FBXL7: variants seen among roughly 807,000 people sequenced by gnomAD.
FBXL7 encodes F-box and leucine rich repeat protein 7, also known as F-box/LRR-repeat protein 7.
A neutral mutation model predicts 38.3 loss-of-function variants in FBXL7; 12 were observed. The ratio of observed to expected loss-of-function variants is 0.31; its 90% CI spans 0.20 to 0.51. FBXL7 has a LOEUF of 0.51. FBXL7 is among the 20% of genes least tolerant of loss of function. FBXL7 has a pLI of 0.98. For missense variants in FBXL7, 567 were observed against 676.4 expected, an observed-to-expected ratio of 0.84 and a Z score of 1.79; for synonymous variants, 297 against 300.9, an observed-to-expected ratio of 0.99 and a Z score of 0.13.
chr5:15,862,996 G>T (rs1304860619), intron 2 of FBXL7, among the ~76,000 whole-genome samples: 2 of 152,180 alleles, frequency 1.3e-5, no homozygotes, highest in African/African-American at 2.4e-5. Flanking sequence ...ACATCTGTGT[G>T]TATTGAGAGC....
intron 2 of FBXL7, among the ~76,000 whole-genome samples, chr5:15,798,784 G>T (rs1348020049): frequency 3.3e-5 from 5 of 152,176 alleles, no homozygotes; most frequent in Admixed American, 1.3e-4. Flanking sequence ...AACCTTGAAG[G>T]TCCAGCAGAT....
At chr5:15,852,327 G>A (rs1739121747) in intron 2 of FBXL7, among the ~76,000 whole-genome samples, 1 of 152,210 alleles carries the variant, frequency 6.6e-6, no homozygotes, top group African/African-American at 2.4e-5. Flanking sequence ...AAGGAAGAGA[G>A]TAGAGTGTGG....
chr5:15,585,455 G>A (rs1209531713), intron 1 of FBXL7, among the ~76,000 whole-genome samples: 1 of 152,180 alleles, frequency 6.6e-6, no homozygotes, highest in Non-Finnish European at 1.5e-5. Context: ...ATTTTGCAGA[G>A]CAAAGAGAAT....
At chr5:15,549,889 G>T (rs953251332) in intron 1 of FBXL7, among the ~76,000 whole-genome samples, 1 of 152,284 alleles carries the variant, frequency 6.6e-6, no homozygotes, top group South Asian at 2.1e-4. Flanking sequence ...CAGTTGGGGT[G>T]CAGGGGACAG....
Position 15,659,964 on chromosome 5 carries a change from T to C in FBXL7, c.127+43892T>C, listed in dbSNP as rs1038628984. Among the ~76,000 whole-genome samples the C allele has an allele frequency of 1.5e-4, 23 of 152,252 alleles. 1 individual carries two copies. The highest frequency in any genetic ancestry group is 7.3e-5 in the Non-Finnish European group (5 of 68,044). ...TTTCTTTATCGTTTACATTTGGCACTTTTACTTTTGTAAACCAAATGACTA... is the reference window on the plus strand; with the variant it reads ...TTTCTTTATCGTTTACATTTGGCACCTTTACTTTTGTAAACCAAATGACTA... On this transcript the variant is annotated intron_variant, in intron 2 of 3. Coordinates refer to ENST00000504595, the MANE Select transcript of FBXL7 (RefSeq NM_012304.5).
intron 2 of FBXL7, among the ~76,000 whole-genome samples, chr5:15,717,941 A>G (rs1379373269): frequency 1.4e-5 from 1 of 72,420 alleles, no homozygotes; most frequent in Non-Finnish European, 3.4e-5. Context: ...TAATATTTAA[A>G]CATGGACTCT....
chr5:15,511,264 GTAA>G (rs1299278736), intron 1 of FBXL7, among the ~76,000 whole-genome samples: 1 of 152,342 alleles, frequency 6.6e-6, no homozygotes, highest in East Asian at 1.9e-4. Flanking sequence ...TCCAGTGTCT[GTAA>G]TAACTTTGGC....
chr5:15,517,261 G>T (rs530250426), intron 1 of FBXL7, among the ~76,000 whole-genome samples: 4 of 152,180 alleles, frequency 2.6e-5, no homozygotes, highest in South Asian at 2.1e-4. Flanking sequence ...CATATTGGGG[G>T]TTTTATAAAA....
In FBXL7 at chr5:15,537,772, T is replaced by G. The variant is rs571968255; in HGVS notation, c.37+37059T>G. Among the ~76,000 whole-genome samples the G allele has an allele frequency of 2.6e-5, 4 of 152,300 alleles. No individual in the cohort carries two copies. In the South Asian group the frequency reaches 8.3e-4, roughly 32 times the overall value. ...TGTTGATTATTTCTCAAAGACCTAA[T>G]GTAAGTCTCCCATGAGCAGGAGCCA... is the stretch of plus-strand genomic sequence containing the variant. On this transcript the variant is annotated intron_variant, in intron 1 of 3. Coordinates refer to ENST00000504595, the MANE Select transcript of FBXL7 (RefSeq NM_012304.5).
intron 2 of FBXL7, among the ~76,000 whole-genome samples, chr5:15,924,632 CTTTT>C (rs34865383): frequency 8.6e-4 from 103 of 120,010 alleles, no homozygotes; most frequent in Middle Eastern, 8.9e-3. Flanking sequence ...TCTCATTATT[CTTTT>C]TTTTTTTTTT....
chr5:15,539,209 T>C (rs1169378897), intron 1 of FBXL7, among the ~76,000 whole-genome samples: 2 of 152,156 alleles, frequency 1.3e-5, no homozygotes, highest in African/African-American at 4.8e-5. Flanking sequence ...CAACAGCAAA[T>C]GACTTAGACG....
At chr5:15,828,744 C>T (rs139142151) in intron 2 of FBXL7, among the ~76,000 whole-genome samples, 2 of 152,220 alleles carry the variant, frequency 1.3e-5, no homozygotes, top group East Asian at 1.9e-4. Flanking sequence ...CCTGACTTGC[C>T]GTGTTACGTT....
chr5:15,573,520 T>C (rs1231579458), intron 1 of FBXL7, among the ~76,000 whole-genome samples: 1 of 152,160 alleles, frequency 6.6e-6, no homozygotes, highest in Non-Finnish European at 1.5e-5. Flanking sequence ...TTAATGATGG[T>C]GATGTTGGCC....
intron 1 of FBXL7, among the ~76,000 whole-genome samples, chr5:15,519,069 C>T (rs762976632): frequency 1.1e-4 from 16 of 152,078 alleles, no homozygotes; most frequent in Admixed American, 5.2e-4. Flanking sequence ...TGCAGCAGGG[C>T]GCGGTGGCTC....
chr5:15,677,021 T>C (rs1426402135), intron 2 of FBXL7, among the ~76,000 whole-genome samples: 1 of 152,212 alleles, frequency 6.6e-6, no homozygotes, highest in African/African-American at 2.4e-5. Flanking sequence ...GTGCTTGTGG[T>C]AAAAATGGAA....
At chr5:15,919,524 T>C (rs1057427533) in intron 2 of FBXL7, among the ~76,000 whole-genome samples, 4 of 152,202 alleles carry the variant, frequency 2.6e-5, no homozygotes, top group Non-Finnish European at 2.9e-5. Context: ...CCCACACAAA[T>C]ACTTGAAAGT....
chr5:15,774,791 G>A (rs1282240910), intron 2 of FBXL7, among the ~76,000 whole-genome samples: 2 of 152,186 alleles, frequency 1.3e-5, no homozygotes, highest in African/African-American at 4.8e-5. Flanking sequence ...TCTTGAATTT[G>A]GAGGTGAAAG....
rs1561158772 is a variant in FBXL7, at chr5:15,863,528, AAAATT to A, written c.128-64361_128-64357del. Among the ~76,000 whole-genome samples, 12 of 152,272 alleles carry A rather than the reference AAAATT, an allele frequency of 7.9e-5. No homozygotes were observed. In the South Asian group the frequency reaches 2.5e-3, roughly 32 times the overall value. On this transcript the variant is annotated intron_variant, in intron 2 of 3. Transcript: ENST00000504595. ...GTCGATGTGACCTCACATTGGTGACAAAATTCCTTTTACTGTCTGGCACCATTTCT... is the reference window on the plus strand; with the variant it reads ...GTCGATGTGACCTCACATTGGTGACACCTTTTACTGTCTGGCACCATTTCT...
At position 15,936,938 on chromosome 5, in the gene FBXL7, G is replaced by A. The variant is rs766340086; in HGVS notation, c.1228G>A (p.Gly410Ser). Residue 410 changes from glycine (G) to serine (S), a missense_variant, in exon 4 of 4, where the codon GGC becomes AGC. Physicochemically the swap from Gly to Ser is moderately conservative, Grantham distance 56. Coordinates refer to ENST00000504595, the MANE Select transcript of FBXL7 (RefSeq NM_012304.5). The surrounding 1 kb of genome is among the most constrained non-coding windows in gnomAD (Gnocchi z 6.0). The part of the protein sequence containing the change: ...NCTKLKSLDI[G>S]KCPLVSDTGL... Reference sequence around the variant, plus strand: ...CACCAAACTCAAATCCCTGGATATCGGCAAATGCCCTTTGGTATCCGACAC... The same window carrying A: ...CACCAAACTCAAATCCCTGGATATCAGCAAATGCCCTTTGGTATCCGACAC... 8.1e-6 allele frequency: 13 copies of A among 1,614,026 alleles called. No individual in the cohort carries two copies. The highest frequency in any genetic ancestry group is 5.5e-5 in the South Asian group (5 of 91,080).
Sources: gnomAD v4.1 joint callset for allele counts (sites outside exome capture counted in the v4.1 genomes callset) on GRCh38, gnomAD v4.1.1 for gene constraint, Gnocchi (gnomAD v3.1) non-coding constraint, MANE v1.5 for transcripts, NCBI Gene and HGNC (gene_info 2026-07-23, HGNC 2026-07-21) for gene names.